RBFOX1: variants seen among roughly 807,000 people sequenced by gnomAD.
RBFOX1 encodes the protein RNA binding protein fox-1 homolog 1.
In RBFOX1, 8 loss-of-function variants were observed where a neutral mutation model predicts 57.7. That is an observed-to-expected ratio of 0.14 (90% confidence interval 0.08 to 0.25). The LOEUF is 0.25. RBFOX1 is among the 10% of genes least tolerant of loss of function. RBFOX1 has a pLI of 1.00. For synonymous variants in RBFOX1, 326 were observed against 222.4 expected (o/e 1.47, Z -4.15); for missense variants, 611 against 548.5 (o/e 1.11, Z -1.14).
At chr16:6,631,222 T>C (rs1026994955) in intron 2 of RBFOX1, among the ~76,000 whole-genome samples, 1 of 151,680 alleles carries the variant, frequency 6.6e-6, no homozygotes, top group Non-Finnish European at 1.5e-5. Flanking sequence ...GGTTAAGTGA[T>C]AGGTAAGAAG....
intron 4 of RBFOX1, among the ~76,000 whole-genome samples, chr16:7,148,599 T>C (rs1050921610): frequency 6.6e-6 from 1 of 152,262 alleles, no homozygotes; most frequent in African/African-American, 2.4e-5. Context: ...AGTTTGATTT[T>C]CTAACAATTC....
rs149300740 is a variant in RBFOX1, at chr16:7,388,734, A to C, written c.28-129413A>C. On this transcript the variant is annotated intron_variant, in intron 4 of 15. Transcript: ENST00000550418. ...TTTGGTATGGTATTCAATGAATTCC[A>C]CGAGATATTCAATACTATTATAAAA... is the stretch of plus-strand genomic sequence containing the variant. Among the ~76,000 whole-genome samples the C allele has an allele frequency of 3.0e-3, 437 of 146,830 alleles. 2 individuals are homozygous for C. Among genetic ancestry groups the C allele is most frequent in the African/African-American group, 0.011 (417 of 39,166 alleles).
chr16:5,828,409 G>C (rs1393147445), intron 3 of RBFOX1, among the ~76,000 whole-genome samples: 1 of 152,102 alleles, frequency 6.6e-6, no homozygotes, highest in Non-Finnish European at 1.5e-5. Context: ...AGAAATAAAG[G>C]ATGAAAAAAA....
intron 3 of RBFOX1, among the ~76,000 whole-genome samples, chr16:6,901,519 T>A (rs1290178958): frequency 1.3e-5 from 2 of 152,190 alleles, no homozygotes; most frequent in Non-Finnish European, 2.9e-5. Context: ...AGCAAGTTCA[T>A]GTCTAGTTAA....
At chr16:6,076,174 C>CT (rs1281456234) in intron 1 of RBFOX1, among the ~76,000 whole-genome samples, 1 of 151,964 alleles carries the variant, frequency 6.6e-6, no homozygotes, top group Non-Finnish European at 1.5e-5. Context: ...GGTGCATGCT[C>CT]TATCATCCCA....
chr16:6,773,081 GTA>G (rs2154214788), intron 3 of RBFOX1, among the ~76,000 whole-genome samples: 2 of 143,880 alleles, frequency 1.4e-5, no homozygotes, highest in African/African-American at 2.6e-5. Flanking sequence ...GTGTGTATAT[GTA>G]TGTGTGGGCG....
chr16:5,381,200 G>T (rs1416861293), intron 1 of RBFOX1, among the ~76,000 whole-genome samples: 1 of 152,222 alleles, frequency 6.6e-6, no homozygotes, highest in Non-Finnish European at 1.5e-5. Flanking sequence ...TATCTGTATA[G>T]AGAGAGACTC....
chr16:7,652,616 C>A (rs993357384), intron 11 of RBFOX1, among the ~76,000 whole-genome samples: 3 of 152,148 alleles, frequency 2.0e-5, no homozygotes, highest in Non-Finnish European at 4.4e-5. Context: ...CCGTATTGGC[C>A]AGGCTGGTCT....
intron 3 of RBFOX1, among the ~76,000 whole-genome samples, chr16:6,956,434 C>G (rs980568503): frequency 2.0e-5 from 3 of 152,118 alleles, no homozygotes; most frequent in African/African-American, 7.2e-5. Context: ...TTGAATTTGT[C>G]AAGAGTAAGC....
intron 4 of RBFOX1, among the ~76,000 whole-genome samples, chr16:5,979,844 G>C (rs776051768): frequency 2.0e-5 from 3 of 152,304 alleles, no homozygotes; most frequent in Non-Finnish European, 4.4e-5. Context: ...CCTGGCAACA[G>C]AGTGAGACTC....
At chr16:6,986,572 A>G (rs543797397) in intron 3 of RBFOX1, among the ~76,000 whole-genome samples, 1 of 152,284 alleles carries the variant, frequency 6.6e-6, no homozygotes, top group East Asian at 1.9e-4. Context: ...GATTGTAGGC[A>G]TGAGCTCCTG....
intron 2 of RBFOX1, among the ~76,000 whole-genome samples, chr16:6,330,084 T>G (rs1451226831): frequency 6.6e-6 from 1 of 152,198 alleles, no homozygotes; most frequent in Non-Finnish European, 1.5e-5. Flanking sequence ...ATGAAGAACA[T>G]GAGCACACTG....
chr16:6,863,249 C>T (rs547006305), intron 3 of RBFOX1, among the ~76,000 whole-genome samples: 1 of 152,048 alleles, frequency 6.6e-6, no homozygotes, highest in South Asian at 2.1e-4. Context: ...GCAAGACCCT[C>T]AAGGTTGGAG....
chr16:7,519,635 C>T, intron 5 of RBFOX1: 1 of 937,064 alleles, frequency 1.1e-6, no homozygotes. Context: ...ATGGAACATG[C>T]ATTTGGGAAC....
chr16:5,400,396 G>C (rs1046993224), intron 1 of RBFOX1, among the ~76,000 whole-genome samples: 1 of 152,038 alleles, frequency 6.6e-6, no homozygotes, highest in African/African-American at 2.4e-5. Flanking sequence ...CCCGGCCACT[G>C]CTTGCTTCTC....
intron 3 of RBFOX1, among the ~76,000 whole-genome samples, chr16:6,970,444 C>T (rs905980149): frequency 2.6e-5 from 4 of 152,114 alleles, no homozygotes; most frequent in African/African-American, 4.8e-5. Flanking sequence ...ATACCTTAGC[C>T]TGGGTAATGT....
intron 1 of RBFOX1, among the ~76,000 whole-genome samples, chr16:6,308,778 G>C (rs1045402437): frequency 2.0e-5 from 3 of 152,150 alleles, no homozygotes; most frequent in African/African-American, 7.2e-5. Flanking sequence ...TGCAAATGCT[G>C]TCTGGAACAG....
intron 2 of RBFOX1, among the ~76,000 whole-genome samples, chr16:5,552,038 C>T (rs2045485808): frequency 6.6e-6 from 1 of 152,146 alleles, no homozygotes; most frequent in Non-Finnish European, 1.5e-5. Context: ...TTTCTAAGCT[C>T]TGGTTTCCTC....
intron 1 of RBFOX1, among the ~76,000 whole-genome samples, chr16:6,138,085 T>C (rs1383410882): frequency 1.3e-5 from 2 of 152,216 alleles, no homozygotes; most frequent in Non-Finnish European, 2.9e-5. Flanking sequence ...CCCTAAGCTG[T>C]ATTTTTGAGA....
Sources: allele counts gnomAD v4.1 joint callset (sites outside exome capture counted in the v4.1 genomes callset), GRCh38; gene constraint gnomAD v4.1.1; transcripts MANE v1.5; gene names NCBI Gene and HGNC (gene_info 2026-07-23, HGNC 2026-07-21).